The following MICAL2 variants were observed in gnomAD, a reference collection of about 807,000 sequenced individuals.
The protein encoded by MICAL2 is microtubule associated monooxygenase, calponin and LIM domain containing 2, also known as [F-actin]-monooxygenase MICAL2.
Under a neutral mutation model 127.3 loss-of-function variants are expected in MICAL2, and 77 were observed. The ratio of observed to expected loss-of-function variants is 0.60; its 90% CI spans 0.50 to 0.73. MICAL2 has a LOEUF of 0.73. Ranked by LOEUF, MICAL2 falls within the 30% of genes least tolerant of loss-of-function variation. MICAL2 has a pLI of 0.00. For missense variants in MICAL2, 1,351 were observed against 1,434.4 expected (o/e 0.94, Z 0.94); for synonymous variants, 570 against 551.1 (o/e 1.03, Z -0.48).
At chr11:12,299,416 C>T (rs1157149809) in intron 29 of MICAL2, among the ~76,000 whole-genome samples, 1 of 152,076 alleles carries the variant, frequency 6.6e-6, no homozygotes, top group Non-Finnish European at 1.5e-5. Flanking sequence ...AATTGAAGTA[C>T]CTAATATTTA....
intron 17 of MICAL2, 55 bp from the exon 18 acceptor site, chr11:12,240,985 C>G: frequency 6.3e-7 from 1 of 1,598,780 alleles, no homozygotes. Context: ...TCTGACTCAC[C>G]TTTTCCTTCA....
intron 34 of MICAL2, among the ~76,000 whole-genome samples, chr11:12,357,939 C>G (rs1939153398): frequency 6.6e-6 from 1 of 152,212 alleles, no homozygotes; most frequent in South Asian, 2.1e-4. Flanking sequence ...TGCTGTGGCT[C>G]AGCTATGTTT....
intron 3 of MICAL2, among the ~76,000 whole-genome samples, chr11:12,168,457 C>T (rs979258695): frequency 7.3e-5 from 11 of 151,498 alleles, no homozygotes; most frequent in African/African-American, 9.7e-5. Flanking sequence ...ACCACACACA[C>T]GTACATACAC....
intron 22 of MICAL2, among the ~76,000 whole-genome samples, chr11:12,249,619 C>T: frequency 6.6e-6 from 1 of 152,240 alleles, no homozygotes; most frequent in South Asian, 2.1e-4. Flanking sequence ...AACAGACCAC[C>T]TCTAGCCCTA....
At position 12,215,324 on chromosome 11, in the gene MICAL2, A is replaced by G. The variant is rs576758118; in HGVS notation, c.848-895A>G. ...CCCTCTGCATTGATGCCTGTTTCCT[A>G]TTTAACCGTAATAAAGGTGCTCCTA... On this transcript the variant is annotated intron_variant, in intron 7 of 27. Transcript: ENST00000683283. Among the ~76,000 whole-genome samples, 7 of 152,228 alleles carry G rather than the reference A, an allele frequency of 4.6e-5. No individual in the cohort carries two copies. The East Asian group carries it at 1.4e-3, about 29-fold the overall frequency.
chr11:12,255,666 C>T lies in MICAL2; in HGVS notation c.2871C>T (p.Ser957=), dbSNP rs146006862. Residue 957 remains serine, a synonymous_variant, in exon 23 of 28, where the codon AGC becomes AGT. Coordinates refer to ENST00000683283, the MANE Select transcript of MICAL2 (RefSeq NM_001282663.2). ...AGCTGACGGTAGGGAAAGTGTCCAG[C>T]GGAATAGGGGCTGCAGCTGAAGTCC... ...HPQLTVGKVS[S]GIGAAAEVLV... 175 of 1,613,946 alleles carry T rather than the reference C, an allele frequency of 1.1e-4. 2 individuals are homozygous for T. In the Admixed American group the frequency reaches 2.5e-3, roughly 23 times the overall value.
At chr11:12,271,360 C>T (rs1400709978), upstream of MICAL2, among the ~76,000 whole-genome samples, 1 of 152,348 alleles carries the variant, frequency 6.6e-6, no homozygotes, top group Middle Eastern at 3.4e-3. Context: ...CTCAGGGAGA[C>T]AGCAAGAGGG....
At chr11:12,287,635 C>A (rs553937439), downstream of MICAL2, among the ~76,000 whole-genome samples, 33 of 152,184 alleles carry the variant, frequency 2.2e-4, no homozygotes, top group Non-Finnish European at 3.7e-4. Context: ...ACACTCACAC[C>A]CCTACACATA....
intron 34 of MICAL2, chr11:12,358,161 T>C: frequency 1.2e-6 from 1 of 861,274 alleles, no homozygotes; most frequent in Non-Finnish European, 1.7e-6. Flanking sequence ...TTCCTTGGTG[T>C]TAAATTCATT....
intron 29 of MICAL2, among the ~76,000 whole-genome samples, chr11:12,302,460 A>G (rs930997648): frequency 2.6e-5 from 4 of 152,032 alleles, no homozygotes; most frequent in Non-Finnish European, 4.4e-5. Context: ...TGATGTTGCT[A>G]TTTTTACAGG....
At chr11:12,162,673 A>G (rs1854965890) in intron 3 of MICAL2, among the ~76,000 whole-genome samples, 2 of 152,218 alleles carry the variant, frequency 1.3e-5, no homozygotes, top group African/African-American at 4.8e-5. Context: ...CATGCTTGAT[A>G]TTACCCCCAC....
intron 16 of MICAL2, among the ~76,000 whole-genome samples, chr11:12,238,977 A>AC (rs57262738): frequency 0.12 from 18,685 of 152,168 alleles, 3,678 homozygotes; most frequent in African/African-American, 0.42. Flanking sequence ...TGCCTGAGTG[A>AC]CCCCACCCGT....
At chr11:12,180,921 CTTTTTTTT>C (rs56946936) in intron 3 of MICAL2, among the ~76,000 whole-genome samples, 17,367 of 82,942 alleles carry the variant, frequency 0.21, 1,887 homozygotes, top group East Asian at 0.46. Context: ...TATTTTCCTT[CTTTTTTTT>C]TTTTTTTTTT....
downstream of MICAL2, among the ~76,000 whole-genome samples, chr11:12,265,179 C>G (rs892334125): frequency 6.6e-6 from 1 of 152,196 alleles, no homozygotes; most frequent in African/African-American, 2.4e-5. Flanking sequence ...TAGCAAGATT[C>G]ATTAGCATGT....
chr11:12,226,091 C>T (rs1857407449), intron 13 of MICAL2, 80 bp from the exon 14 acceptor site: 3 of 1,390,100 alleles, frequency 2.2e-6, no homozygotes, highest in Non-Finnish European at 3.0e-6. Flanking sequence ...CCTCAGTGCT[C>T]CTTACCACCT....
intron 29 of MICAL2, chr11:12,319,550 T>C: frequency 3.3e-6 from 2 of 614,270 alleles, no homozygotes; most frequent in Non-Finnish European, 5.8e-6. Context: ...TTAGGTACTG[T>C]TGCCTCATGC....
intron 3 of MICAL2, among the ~76,000 whole-genome samples, chr11:12,171,445 T>A (rs189176728): frequency 6.6e-6 from 1 of 152,338 alleles, no homozygotes; most frequent in African/African-American, 2.4e-5. Context: ...TTTGTTTTTT[T>A]CCCACAATTA....
At chr11:12,156,455 G>T (rs1043361394) in intron 2 of MICAL2, among the ~76,000 whole-genome samples, 2 of 152,326 alleles carry the variant, frequency 1.3e-5, no homozygotes, top group Admixed American at 6.5e-5. Context: ...TCCAGAGGAG[G>T]CAAGGGTGGA....
chr11:12,170,052 G>A (rs1856041670), intron 3 of MICAL2, among the ~76,000 whole-genome samples: 1 of 152,108 alleles, frequency 6.6e-6, no homozygotes. Context: ...GAAGTGGCAG[G>A]GATTACTGCC....
Sources: gnomAD v4.1 joint callset for allele counts (sites outside exome capture counted in the v4.1 genomes callset) on GRCh38, gnomAD v4.1.1 for gene constraint, MANE v1.5 for transcripts, NCBI Gene and HGNC (gene_info 2026-07-23, HGNC 2026-07-21) for gene names.